The following CPQ variants were observed in gnomAD, a reference collection of about 807,000 sequenced individuals.
CPQ encodes the protein carboxypeptidase Q.
A neutral mutation model predicts 45.7 loss-of-function variants in CPQ; 37 were observed. The observed-to-expected ratio is 0.81, with a 90% CI of 0.62 to 1.07. CPQ has a LOEUF of 1.07. CPQ is among the 50% of genes least tolerant of loss of function. The pLI is 0.00. For missense variants in CPQ, 537 were observed against 572.9 expected, an observed-to-expected ratio of 0.94 and a Z score of 0.64; for synonymous variants, 186 against 205.8, an observed-to-expected ratio of 0.90 and a Z score of 0.82.
At chr8:96,751,430 G>A (rs566653557) in intron 1 of CPQ, among the ~76,000 whole-genome samples, 2 of 152,264 alleles carry the variant, frequency 1.3e-5, no homozygotes, top group African/African-American at 2.4e-5. Context: ...TTGCATGAAT[G>A]TCTTCTTTTG....
chr8:96,798,285 A>G (rs1810962140), intron 2 of CPQ, among the ~76,000 whole-genome samples: 1 of 151,102 alleles, frequency 6.6e-6, no homozygotes, highest in Non-Finnish European at 1.5e-5. Flanking sequence ...GCATGCCACC[A>G]CACCTGGCTA....
chr8:96,742,142 T>C (rs1268867716), intron 1 of CPQ, among the ~76,000 whole-genome samples: 2 of 149,624 alleles, frequency 1.3e-5, no homozygotes, highest in Admixed American at 6.7e-5. Flanking sequence ...GGACTTGCTT[T>C]ATGAATCTGG....
chr8:96,678,485 C>A (rs1036697707), intron 1 of CPQ, among the ~76,000 whole-genome samples: 1 of 151,998 alleles, frequency 6.6e-6, no homozygotes, highest in Non-Finnish European at 1.5e-5. Flanking sequence ...TTTTGAGAAA[C>A]CTCCATGATG....
At chr8:96,880,560 TATATATATATATATATAC>T (rs1403345879) in intron 4 of CPQ, among the ~76,000 whole-genome samples, 2 of 48,680 alleles carry the variant, frequency 4.1e-5, no homozygotes, top group South Asian at 8.0e-4. Flanking sequence ...TATATATATA[TATATATATATATATATAC>T]CATGGAATAC....
chr8:97,057,841 AC>A (rs1199581563), intron 6 of CPQ, among the ~76,000 whole-genome samples: 1 of 152,154 alleles, frequency 6.6e-6, no homozygotes, highest in Non-Finnish European at 1.5e-5. Flanking sequence ...CAATAGGCCA[AC>A]AAATTAGGGA....
chr8:97,106,769 C>T (rs745891401), intron 7 of CPQ, among the ~76,000 whole-genome samples: 1 of 151,918 alleles, frequency 6.6e-6, no homozygotes, highest in African/African-American at 2.4e-5. Flanking sequence ...AGAGCCCTGG[C>T]AGTTCCATCA....
chr8:96,913,173 T>C (rs1586449074), intron 4 of CPQ, among the ~76,000 whole-genome samples: 1 of 152,234 alleles, frequency 6.6e-6, no homozygotes, highest in South Asian at 2.1e-4. Context: ...GCAAAAGCAT[T>C]GAGCAAGCAA....
At chr8:97,065,276 T>C (rs117575878) in intron 6 of CPQ, among the ~76,000 whole-genome samples, 3,817 of 152,288 alleles carry the variant, frequency 0.025, 73 homozygotes, top group Non-Finnish European at 0.039. Context: ...CCTATTATAT[T>C]CTAAATTTGT....
At chr8:96,747,709 G>A (rs754871763) in intron 1 of CPQ, among the ~76,000 whole-genome samples, 1 of 152,184 alleles carries the variant, frequency 6.6e-6, no homozygotes, top group African/African-American at 2.4e-5. Flanking sequence ...TGAGGGGTTT[G>A]CAATGAGGTC....
At chr8:96,947,598 A>AAAACAAACAAAC (rs776450014) in intron 4 of CPQ, among the ~76,000 whole-genome samples, 1 of 152,064 alleles carries the variant, frequency 6.6e-6, no homozygotes. Flanking sequence ...TGCCTGTAAA[A>AAAACAAACAAAC]AAACAAACAA....
intron 1 of CPQ, among the ~76,000 whole-genome samples, chr8:96,738,503 A>G (rs905181533): frequency 6.6e-6 from 1 of 151,530 alleles, no homozygotes; most frequent in Admixed American, 6.6e-5. Context: ...GTACATGTGC[A>G]CAATGTGCAG....
chr8:96,928,363 G>A (rs974823901), intron 4 of CPQ, among the ~76,000 whole-genome samples: 1 of 150,370 alleles, frequency 6.7e-6, no homozygotes, highest in African/African-American at 2.5e-5. Context: ...CCTTTCTTAT[G>A]AGCTATCTAG....
intron 7 of CPQ, among the ~76,000 whole-genome samples, chr8:97,122,675 C>T (rs906224956): frequency 6.6e-6 from 1 of 151,546 alleles, no homozygotes; most frequent in African/African-American, 2.4e-5. Flanking sequence ...CATTGAGGTC[C>T]GGAGTTTGAG....
intron 7 of CPQ, among the ~76,000 whole-genome samples, chr8:97,070,099 C>T (rs1164930758): frequency 6.6e-6 from 1 of 152,076 alleles, no homozygotes; most frequent in Non-Finnish European, 1.5e-5. Flanking sequence ...ATGTACTTTC[C>T]GCATAAACTC....
intron 5 of CPQ, among the ~76,000 whole-genome samples, chr8:96,976,446 A>T (rs1813787526): frequency 6.6e-6 from 1 of 152,072 alleles, no homozygotes; most frequent in East Asian, 1.9e-4. Flanking sequence ...CTACAAATTC[A>T]TTGCAATTCC....
rs997424327 is a variant in CPQ at position 96,743,209 on chromosome 8, G to A, written c.-34-41655G>A. On this transcript the variant is annotated intron_variant, in intron 1 of 7. Coordinates refer to ENST00000220763, the MANE Select transcript of CPQ (RefSeq NM_016134.4). ...CTTTTTTCTCTAAACTTCCCTTCTC[G>A]CTTCATTTCATTCATTTCATCTTCC... 4.7e-3 allele frequency among the ~76,000 whole-genome samples: 720 copies of A among 151,782 alleles called. 11 individuals carry two copies. Among genetic ancestry groups the A allele is most frequent in the Admixed American group, 0.012 (185 of 15,248 alleles).
chr8:97,077,233 A>G (rs145165539), intron 7 of CPQ, among the ~76,000 whole-genome samples: 170 of 152,310 alleles, frequency 1.1e-3, no homozygotes, highest in African/African-American at 3.8e-3. Context: ...TGCACATTGT[A>G]TGAGTCCTAT....
chr8:96,778,199 G>C (rs1810641444), intron 1 of CPQ, among the ~76,000 whole-genome samples: 2 of 151,810 alleles, frequency 1.3e-5, no homozygotes, highest in Admixed American at 1.3e-4. Flanking sequence ...TATATCTTAT[G>C]CTGGTTTTCT....
chr8:96,989,493 GAGGA>G (rs1809052944), intron 5 of CPQ, among the ~76,000 whole-genome samples: 2 of 147,884 alleles, frequency 1.4e-5, no homozygotes, highest in Admixed American at 6.7e-5. Context: ...GAGGGGAGTG[GAGGA>G]GAGGAGAGGA....
Sources: allele counts gnomAD v4.1 joint callset (sites outside exome capture counted in the v4.1 genomes callset), GRCh38; gene constraint gnomAD v4.1.1; transcripts MANE v1.5; gene names NCBI Gene and HGNC (gene_info 2026-07-23, HGNC 2026-07-21).